Variants in ANKRD42 observed in about 807,000 individuals in gnomAD.
ANKRD42 encodes ankyrin repeat domain 42, also known as ankyrin repeat domain-containing protein 42.
In ANKRD42, 43 loss-of-function variants were observed where a neutral mutation model predicts 51.5. That is an observed-to-expected ratio of 0.83 (90% CI 0.65 to 1.08). The LOEUF (loss-of-function observed/expected upper bound fraction) is 1.08, where lower values mean the gene tolerates loss of function less well. Among genes scored for constraint, ANKRD42 ranks in the 50% least tolerant of loss-of-function variants. The pLI, the probability that ANKRD42 is intolerant of heterozygous loss-of-function variation, is 0.00. For synonymous variants in ANKRD42, 203 were observed against 213.0 expected (o/e 0.95, Z 0.41); for missense variants, 608 against 629.3 (o/e 0.97, Z 0.36).
Position 83,206,077 on chromosome 11 carries a change from G to A in ANKRD42, c.242G>A (p.Trp81Ter), listed in dbSNP as rs1253709601. 1 of 1,613,696 alleles carries A rather than the reference G, an allele frequency of 6.2e-7. No homozygotes were observed. Among genetic ancestry groups the A allele is most frequent in the Admixed American group, 1.7e-5 (1 of 59,980 alleles). ...TCTTAGTGTCTTCATTGGCTGCTCT[G>A]GCATGGAGCTGATATCACACACGTA... ...GSLECLHWLL[W>*]HGADITHVTT... Residue 81 changes from tryptophan to a stop codon, truncating the protein, a stop_gained, in exon 3 of 11, where the codon TGG (tryptophan) becomes TAG (stop). Coordinates refer to ENST00000533342, the MANE Select transcript of ANKRD42 (RefSeq NM_001300975.2). LOFTEE classifies it high-confidence loss of function.
chr11:83,234,502 A>G (rs1291123023), intron 7 of ANKRD42, among the ~76,000 whole-genome samples: 1 of 152,234 alleles, frequency 6.6e-6, no homozygotes, highest in Admixed American at 6.5e-5. Context: ...TGGTCAAATT[A>G]GTCACATATC....
At position 83,240,850 on chromosome 11, in the gene ANKRD42, T is replaced by C. The variant is rs1222038826; in HGVS notation, c.1111T>C (p.Tyr371His). ...ENEIDENDVK[Y>H]FIRHGVEGST... Reference sequence around the variant, plus strand: ...TGAAATTGATGAAAATGATGTGAAATATTTTATAAGACATGGTGTTGAGGG... The same window carrying C: ...TGAAATTGATGAAAATGATGTGAAACATTTTATAAGACATGGTGTTGAGGG... The change falls in exon 9 of 11, where the codon TAT becomes CAT. Residue 371 changes from tyrosine to histidine, a missense_variant. Tyr to His is a moderately conservative substitution (Grantham distance 83). Transcript: ENST00000533342. 1 of 1,614,066 alleles carries C rather than the reference T, an allele frequency of 6.2e-7. No individual in the cohort carries two copies. Among genetic ancestry groups the C allele is most frequent in the Admixed American group, 1.7e-5 (1 of 60,028 alleles).
intron 2 of ANKRD42, 97 bp from the exon 3 acceptor site, chr11:83,205,961 A>G: frequency 2.1e-6 from 2 of 970,124 alleles, no homozygotes; most frequent in Non-Finnish European, 1.6e-6. Context: ...TCTCTCATTC[A>G]CTACAGTCTG....
intron 7 of ANKRD42, among the ~76,000 whole-genome samples, chr11:83,235,612 T>C (rs768797551): frequency 1.3e-5 from 2 of 152,258 alleles, no homozygotes; most frequent in Non-Finnish European, 2.9e-5. Context: ...ATGAAGATTA[T>C]AGCCCTGTCC....
At chr11:83,225,782 G>GAAA (rs59860833) in intron 6 of ANKRD42, among the ~76,000 whole-genome samples, 1 of 88,782 alleles carries the variant, frequency 1.1e-5, no homozygotes, top group Admixed American at 1.5e-4. Flanking sequence ...CTCCATCCTG[G>GAAA]AAAAAAAAAA....
chr11:83,245,686 T>A, intron 10 of ANKRD42, 62 bp downstream of exon 10: 7 of 1,460,386 alleles, frequency 4.8e-6, no homozygotes, highest in Non-Finnish European at 6.3e-6. Flanking sequence ...CATGTGAGGG[T>A]TTGTTGATCA....
intron 11 of ANKRD42, among the ~76,000 whole-genome samples, chr11:83,255,538 G>C (rs61597283): frequency 6.6e-6 from 1 of 152,148 alleles, no homozygotes; most frequent in Non-Finnish European, 1.5e-5. Context: ...GTTAGGTAGA[G>C]ATAAAACTTA....
chr11:83,235,844 AGGT>A (rs1257451899), intron 7 of ANKRD42, among the ~76,000 whole-genome samples: 3 of 152,246 alleles, frequency 2.0e-5, no homozygotes, highest in African/African-American at 7.2e-5. Flanking sequence ...ATTTGGACAA[AGGT>A]GGTAAACAGT....
In ANKRD42 at chr11:83,248,194, G is replaced by C; in HGVS notation, c.1574G>C (p.Ser525Thr). ...WGSLDLNPGYSLF is the reference protein window; with the variant it reads ...WGSLDLNPGYTLF ...TCTTTGGACTTGAATCCTGGCTATA[G>C]TCTTTTTTGATTTGGGCTACTCATT... The change falls in exon 11 of 11, where the codon AGT becomes ACT. Residue 525 changes from serine to threonine, a missense_variant. By Grantham distance (58) the Ser-to-Thr change is moderately conservative. Transcript: ENST00000533342. 6.7e-7 allele frequency: 1 copy of C among 1,502,722 alleles called. No individual in the cohort carries two copies. The highest frequency in any genetic ancestry group is 2.2e-5 in the Admixed American group (1 of 44,990). 93.1% of individuals were successfully genotyped at this position (1,502,722 alleles called of 1,614,324 possible).
chr11:83,236,370 T>A, intron 7 of ANKRD42, 34 bp from the exon 8 acceptor site: 1 of 1,554,898 alleles, frequency 6.4e-7, no homozygotes, highest in Non-Finnish European at 8.7e-7. Context: ...CTTTTTTGTG[T>A]GTAATTCCTG....
downstream of ANKRD42, chr11:83,261,993 G>C: frequency 6.7e-7 from 1 of 1,492,740 alleles, no homozygotes; most frequent in Non-Finnish European, 9.2e-7. Flanking sequence ...CTGTGTTATA[G>C]GTCTTGTATC....
At position 83,239,105 on chromosome 11, in the gene ANKRD42, A is replaced by G. The variant is rs1863311950; in HGVS notation, c.1020-1654A>G. ...ATTGTCAGGGTCTTTTTTTAATTCT[A>G]GTAATGAAATAGGTATGTAGTGGTA... On this transcript the variant is annotated intron_variant, in intron 8 of 10. Coordinates refer to ENST00000533342, the MANE Select transcript of ANKRD42 (RefSeq NM_001300975.2). Among the ~76,000 whole-genome samples, 4 of 152,164 alleles carry G rather than the reference A, an allele frequency of 2.6e-5. No homozygotes were observed. The South Asian group carries it at 8.3e-4, about 31-fold the overall frequency.
chr11:83,238,171 A>G (rs909365590), intron 8 of ANKRD42, among the ~76,000 whole-genome samples: 6 of 152,206 alleles, frequency 3.9e-5, no homozygotes, highest in Non-Finnish European at 7.3e-5. Context: ...GTAGAATTCC[A>G]TAGCATTCCA....
chr11:83,219,152 C>T (rs998852038), intron 5 of ANKRD42, among the ~76,000 whole-genome samples: 34 of 152,092 alleles, frequency 2.2e-4, no homozygotes, highest in African/African-American at 7.7e-4. Flanking sequence ...ACTCGTCTTC[C>T]CTAAAGGCAT....
chr11:83,225,955 A>C (rs775633475), intron 6 of ANKRD42, among the ~76,000 whole-genome samples: 5 of 151,796 alleles, frequency 3.3e-5, no homozygotes, highest in Admixed American at 3.3e-4. Flanking sequence ...GGGTCTCACT[A>C]TGTTTCCCAG....
chr11:83,247,851 C>T, intron 10 of ANKRD42, 92 bp from the exon 11 acceptor site: 1 of 1,086,918 alleles, frequency 9.2e-7, no homozygotes, highest in Non-Finnish European at 1.3e-6. Context: ...GTTTTATTTG[C>T]CTTAAATACA....
At chr11:83,209,806 C>T (rs1396895319) in intron 3 of ANKRD42, 12 of 552,950 alleles carry the variant, frequency 2.2e-5, no homozygotes, top group Non-Finnish European at 3.6e-5. Flanking sequence ...TGGGTAGAGC[C>T]ACCACCACCA....
At chr11:83,240,709 C>T (rs560179738) in intron 8 of ANKRD42, 50 bp from the exon 9 acceptor site, 1 of 1,599,816 alleles carries the variant, frequency 6.3e-7, no homozygotes, top group East Asian at 2.2e-5. Context: ...GCTGCAGTTT[C>T]AGTTTGAAGA....
intron 3 of ANKRD42, chr11:83,209,309 T>C (rs1862209812): frequency 1.3e-6 from 1 of 780,794 alleles, no homozygotes; most frequent in Non-Finnish European, 2.2e-6. Flanking sequence ...TAAAACATTT[T>C]CTTGAGGCCA....
Sources: gnomAD v4.1 joint callset for allele counts (sites outside exome capture counted in the v4.1 genomes callset) on GRCh38, gnomAD v4.1.1 for gene constraint, MANE v1.5 for transcripts, NCBI Gene and HGNC (gene_info 2026-07-23, HGNC 2026-07-21) for gene names.